The following UNC5D variants were observed in gnomAD, a reference collection of about 807,000 sequenced individuals.
UNC5D encodes the protein unc-5 netrin receptor D.
UNC5D carries 39 observed loss-of-function variants against 105.4 expected under a neutral mutation model. That is an observed-to-expected ratio of 0.37 (90% CI 0.29 to 0.48). UNC5D has a LOEUF of 0.48. Ranked by LOEUF, UNC5D falls within the 20% of genes least tolerant of loss-of-function variation. The pLI is 0.98. For missense variants in UNC5D, 991 were observed against 1,202.4 expected (o/e 0.82, Z 2.60); for synonymous variants, 452 against 450.4 (o/e 1.00, Z -0.04).
intron 8 of UNC5D, among the ~76,000 whole-genome samples, chr8:35,708,985 G>A (rs1478998188): frequency 1.3e-5 from 2 of 152,030 alleles, no homozygotes; most frequent in African/African-American, 4.8e-5. Context: ...GCAGAAACTT[G>A]GAGAGCCTCC....
At chr8:35,670,595 A>C (rs1563650718) in intron 4 of UNC5D, among the ~76,000 whole-genome samples, 1 of 152,172 alleles carries the variant, frequency 6.6e-6, no homozygotes, top group Non-Finnish European at 1.5e-5. Flanking sequence ...ATCCTCAGCA[A>C]ACTAACACAG....
intron 1 of UNC5D, among the ~76,000 whole-genome samples, chr8:35,465,842 G>A (rs1809265135): frequency 6.6e-6 from 1 of 152,134 alleles, no homozygotes; most frequent in African/African-American, 2.4e-5. Flanking sequence ...GAGGAGAGGA[G>A]TTAGAGGGGG....
chr8:35,556,695 A>G (rs1165335521), intron 2 of UNC5D, among the ~76,000 whole-genome samples: 1 of 152,150 alleles, frequency 6.6e-6, no homozygotes. Flanking sequence ...ATTTTGCAAG[A>G]GTTGATATTA....
chr8:35,492,163 C>T (rs1407511879), intron 1 of UNC5D, among the ~76,000 whole-genome samples: 1 of 150,748 alleles, frequency 6.6e-6, no homozygotes, highest in African/African-American at 2.4e-5. Flanking sequence ...CCATTATTTC[C>T]TTAAGCAAAG....
chr8:35,730,751 A>T (rs1172807163), intron 10 of UNC5D, among the ~76,000 whole-genome samples: 1 of 151,656 alleles, frequency 6.6e-6, no homozygotes, highest in Admixed American at 6.6e-5. Flanking sequence ...TTTTAAAAGA[A>T]TTAATGCTGG....
chr8:35,396,829 T>G (rs1380916058), intron 1 of UNC5D, among the ~76,000 whole-genome samples: 1 of 151,280 alleles, frequency 6.6e-6, no homozygotes, highest in Non-Finnish European at 1.5e-5. Flanking sequence ...TTGTATAAAT[T>G]TATAGGATAC....
Position 35,310,500 on chromosome 8 carries a change from A to G in UNC5D, c.103+74613A>G, listed in dbSNP as rs1395200870. On this transcript the variant is annotated intron_variant, in intron 1 of 16. Coordinates refer to ENST00000404895, the MANE Select transcript of UNC5D (RefSeq NM_080872.4). ...CCGGGTGTGGTAACGCATCCCTGTA[A>G]TCCCACCTACAGGGGTGACTGAGGC... is the stretch of plus-strand genomic sequence containing the variant. Among the ~76,000 whole-genome samples, 5 of 152,188 alleles carry G rather than the reference A, an allele frequency of 3.3e-5. No individual in the cohort carries two copies. In the East Asian group the frequency reaches 9.7e-4, roughly 29 times the overall value.
chr8:35,760,944 T>C (rs1044298373), intron 14 of UNC5D, among the ~76,000 whole-genome samples: 1 of 152,146 alleles, frequency 6.6e-6, no homozygotes, highest in African/African-American at 2.4e-5. Flanking sequence ...TGCATTTTTC[T>C]ATTGACTTTT....
At chr8:35,518,074 C>T (rs1311313032) in intron 1 of UNC5D, among the ~76,000 whole-genome samples, 1 of 151,862 alleles carries the variant, frequency 6.6e-6, no homozygotes, top group Non-Finnish European at 1.5e-5. Flanking sequence ...ATGGATTAAT[C>T]AGAGATGTGG....
intron 10 of UNC5D, chr8:35,727,930 G>A (rs996227006): frequency 4.0e-5 from 6 of 151,520 alleles, no homozygotes; most frequent in East Asian, 3.9e-4. Flanking sequence ...TAAAGAACAC[G>A]ACGTGTCAGA....
At chr8:35,599,142 CAAAAAAAAAAAAA>C (rs34511041) in intron 4 of UNC5D, among the ~76,000 whole-genome samples, 1 of 38,642 alleles carries the variant, frequency 2.6e-5, no homozygotes, top group Non-Finnish European at 4.8e-5. Flanking sequence ...GACTCTGTCT[CAAAAAAAAAAAAA>C]AAAAAAAAAA....
chr8:35,716,337 GTC>G, intron 8 of UNC5D, among the ~76,000 whole-genome samples: 1 of 152,176 alleles, frequency 6.6e-6, no homozygotes, highest in Non-Finnish European at 1.5e-5. Flanking sequence ...AGAAAGAGAA[GTC>G]AGCATAAGGT....
At chr8:35,705,860 C>A in intron 7 of UNC5D, 69 bp from the exon 8 acceptor site, 1 of 1,004,028 alleles carries the variant, frequency 1.0e-6, no homozygotes, top group Non-Finnish European at 1.4e-6. Context: ...TAAAGTGAAA[C>A]AGGAAATATA....
chr8:35,525,338 A>G (rs1375624827), intron 1 of UNC5D: 24 of 1,612,050 alleles, frequency 1.5e-5, no homozygotes, highest in Non-Finnish European at 2.0e-5. Flanking sequence ...ATGGGGGTGT[A>G]ATAACAACTT....
At position 35,794,967 on chromosome 8, in the gene UNC5D, T is replaced by A. The variant is rs906774313; in HGVS notation, c.*4404T>A. ...AACTGACATAGAATAATTGTGGTTTTTGAAGCAGCTACTCATTGCTTTTTC... is the reference window on the plus strand; with the variant it reads ...AACTGACATAGAATAATTGTGGTTTATGAAGCAGCTACTCATTGCTTTTTC... On this transcript the variant is annotated 3_prime_UTR_variant, in exon 17 of 17. Coordinates refer to ENST00000404895, the MANE Select transcript of UNC5D (RefSeq NM_080872.4). 1 of 152,228 alleles carries A rather than the reference T, an allele frequency of 6.6e-6. No homozygotes were observed. Among genetic ancestry groups the A allele is most frequent in the African/African-American group, 2.4e-5 (1 of 41,454 alleles). The allele number at this position is 152,228 out of a possible 1,614,324, so 9.4% of individuals were successfully genotyped here.
chr8:35,589,983 ATTAC>A (rs1176732265), intron 3 of UNC5D, among the ~76,000 whole-genome samples: 6 of 152,186 alleles, frequency 3.9e-5, no homozygotes, highest in Non-Finnish European at 7.3e-5. Flanking sequence ...CTTGGGCATT[ATTAC>A]TTAAACAAAA....
intron 7 of UNC5D, among the ~76,000 whole-genome samples, chr8:35,689,671 T>A (rs1406378217): frequency 6.6e-6 from 1 of 152,172 alleles, no homozygotes; most frequent in Non-Finnish European, 1.5e-5. Context: ...TGGAAGGCTG[T>A]CAAGAAGGAG....
intron 8 of UNC5D, among the ~76,000 whole-genome samples, chr8:35,712,207 G>A (rs1287894895): frequency 6.6e-6 from 1 of 152,156 alleles, no homozygotes; most frequent in African/African-American, 2.4e-5. Flanking sequence ...GGAGGCAGAG[G>A]TTACATTGAG....
intron 4 of UNC5D, among the ~76,000 whole-genome samples, chr8:35,648,751 G>T (rs1823228283): frequency 6.6e-6 from 1 of 151,112 alleles, no homozygotes; most frequent in African/African-American, 2.4e-5. Flanking sequence ...GAGATAGTTT[G>T]CGAGGAACAA....
Sources: allele counts gnomAD v4.1 joint callset (sites outside exome capture counted in the v4.1 genomes callset), GRCh38; gene constraint gnomAD v4.1.1; transcripts MANE v1.5; gene names NCBI Gene and HGNC (gene_info 2026-07-23, HGNC 2026-07-21).